PPARGC1A: variants seen among roughly 807,000 people sequenced by gnomAD.
PPARGC1A encodes PPARG coactivator 1 alpha.
Under a neutral mutation model 88.7 loss-of-function variants are expected in PPARGC1A, and 25 were observed. That is an observed-to-expected ratio of 0.28 (90% CI 0.21 to 0.39). The LOEUF (loss-of-function observed/expected upper bound fraction) is 0.39, where lower values mean the gene tolerates loss of function less well. PPARGC1A is among the 10% of genes least tolerant of loss of function. The probability of loss-of-function intolerance (pLI) is 1.00; values close to 1 mark genes in which losing one functional copy is unlikely to be tolerated. For synonymous variants in PPARGC1A, 363 were observed against 355.6 expected (o/e 1.02, Z -0.24); for missense variants, 880 against 968.7 (o/e 0.91, Z 1.22).
chr4:24,312,570 T>C, the PPARGC1A span, among the ~76,000 whole-genome samples: 1 of 150,378 alleles, frequency 6.6e-6, no homozygotes, highest in African/African-American at 2.5e-5. Context: ...TCTCTTTGTC[T>C]TAATTCTATG....
At chr4:24,284,129 C>CAA in the PPARGC1A span, among the ~76,000 whole-genome samples, 830 of 117,902 alleles carry the variant, frequency 7.0e-3, 8 homozygotes, top group African/African-American at 0.015. Context: ...CTAAAAATAC[C>CAA]AAAAAAAAAA....
At chr4:23,813,555 T>G in intron 8 of PPARGC1A, 135 bp downstream of exon 8, 2 of 765,764 alleles carry the variant, frequency 2.6e-6, no homozygotes, top group Non-Finnish European at 4.1e-6. Context: ...ATGTTCTCGT[T>G]AGTTCCAGCA....
chr4:24,134,069 T>C, the PPARGC1A span, among the ~76,000 whole-genome samples: 2 of 152,162 alleles, frequency 1.3e-5, no homozygotes, highest in African/African-American at 4.8e-5. Context: ...CCGGCTAACA[T>C]CACAATGAGC....
chr4:23,847,722 G>T (rs978939800), intron 2 of PPARGC1A, among the ~76,000 whole-genome samples: 11 of 152,062 alleles, frequency 7.2e-5, no homozygotes, highest in Non-Finnish European at 1.2e-4. Context: ...ATTATGAAAC[G>T]AATCAAGACA....
the PPARGC1A span, among the ~76,000 whole-genome samples, chr4:24,137,886 A>C: frequency 6.6e-6 from 1 of 152,212 alleles, no homozygotes; most frequent in African/African-American, 2.4e-5. Flanking sequence ...CCCCTCAAAC[A>C]CAGGTAAAAC....
At chr4:24,012,466 C>T in the PPARGC1A span, among the ~76,000 whole-genome samples, 1 of 152,088 alleles carries the variant, frequency 6.6e-6, no homozygotes, top group Admixed American at 6.6e-5. Flanking sequence ...TATCCTATGA[C>T]AACTGCCAGC....
At chr4:24,129,810 G>C in the PPARGC1A span, among the ~76,000 whole-genome samples, 1 of 152,122 alleles carries the variant, frequency 6.6e-6, no homozygotes, top group Non-Finnish European at 1.5e-5. Flanking sequence ...GGAATACTAT[G>C]CAGCCATAAA....
the PPARGC1A span, among the ~76,000 whole-genome samples, chr4:24,351,813 G>A: frequency 6.6e-6 from 1 of 152,150 alleles, no homozygotes; most frequent in South Asian, 2.1e-4. Context: ...AAATCACAGG[G>A]TTTGTTTTTT....
At chr4:23,977,545 A>G in the PPARGC1A span, among the ~76,000 whole-genome samples, 2 of 152,216 alleles carry the variant, frequency 1.3e-5, no homozygotes, top group African/African-American at 2.4e-5. Context: ...ATAAATGGAT[A>G]GCTCTATCAT....
At chr4:23,799,486 G>T (rs1232579302) in intron 12 of PPARGC1A, among the ~76,000 whole-genome samples, 6 of 152,190 alleles carry the variant, frequency 3.9e-5, no homozygotes, top group African/African-American at 1.4e-4. Context: ...TGGTAAGTCA[G>T]ATTTCAATCC....
At chr4:24,308,802 CT>C in the PPARGC1A span, among the ~76,000 whole-genome samples, 1 of 152,132 alleles carries the variant, frequency 6.6e-6, no homozygotes, top group Admixed American at 6.5e-5. Context: ...ATTTTACTTC[CT>C]TGTGTCACAG....
At chr4:24,073,448 G>A in the PPARGC1A span, among the ~76,000 whole-genome samples, 2 of 152,158 alleles carry the variant, frequency 1.3e-5, no homozygotes, top group Admixed American at 6.5e-5. Flanking sequence ...ATGTGCACAA[G>A]CACTGTTCTT....
chr4:24,022,229 C>T, the PPARGC1A span, among the ~76,000 whole-genome samples: 33 of 152,238 alleles, frequency 2.2e-4, no homozygotes, highest in East Asian at 5.2e-3. Flanking sequence ...AGCATCTTCT[C>T]GCTGCCCCTC....
the PPARGC1A span, among the ~76,000 whole-genome samples, chr4:24,340,334 C>A: frequency 1.6e-4 from 24 of 152,188 alleles, no homozygotes; most frequent in South Asian, 4.8e-3. Context: ...CAAAAAAGAA[C>A]GCACAACTTT....
chr4:24,370,653 G>A, the PPARGC1A span, among the ~76,000 whole-genome samples: 1 of 147,848 alleles, frequency 6.8e-6, no homozygotes, highest in African/African-American at 2.5e-5. Flanking sequence ...ACATGCTCCA[G>A]ACTCCTAAAC....
chr4:24,145,974 G>A, the PPARGC1A span, among the ~76,000 whole-genome samples: 2 of 152,048 alleles, frequency 1.3e-5, no homozygotes, highest in South Asian at 4.2e-4. Flanking sequence ...TCATACATAG[G>A]CCTAGAACAA....
At chr4:24,446,059 C>CT in the PPARGC1A span, among the ~76,000 whole-genome samples, 1 of 152,052 alleles carries the variant, frequency 6.6e-6, no homozygotes, top group Non-Finnish European at 1.5e-5. Flanking sequence ...GAGCAAGACT[C>CT]TGTCTCAAAA....
the PPARGC1A span, among the ~76,000 whole-genome samples, chr4:24,136,363 A>G: frequency 6.6e-6 from 1 of 152,224 alleles, no homozygotes; most frequent in African/African-American, 2.4e-5. Context: ...GAGCATGGAA[A>G]GACGTAGAGT....
At chr4:23,990,717 C>T in the PPARGC1A span, among the ~76,000 whole-genome samples, 5 of 151,990 alleles carry the variant, frequency 3.3e-5, no homozygotes, top group East Asian at 1.9e-4. Context: ...ATCACTAACT[C>T]GGAGGCGATG....
Sources: allele counts gnomAD v4.1 joint callset (sites outside exome capture counted in the v4.1 genomes callset), GRCh38; gene constraint gnomAD v4.1.1; transcripts MANE v1.5; gene names NCBI Gene and HGNC (gene_info 2026-07-23, HGNC 2026-07-21).